The following POU2F3 variants were observed in gnomAD, a reference collection of about 807,000 sequenced individuals.
The protein encoded by POU2F3 is POU domain, class 2, transcription factor 3.
POU2F3 carries 23 observed loss-of-function variants against 59.2 expected under a neutral mutation model. The ratio of observed to expected loss-of-function variants is 0.39; its 90% CI spans 0.28 to 0.55. POU2F3 has a LOEUF of 0.55. Ranked by LOEUF, POU2F3 falls within the 20% of genes least tolerant of loss-of-function variation. The pLI is 0.66. For missense variants in POU2F3, 473 were observed against 544.5 expected, an observed-to-expected ratio of 0.87 and a Z score of 1.31; for synonymous variants, 190 against 214.6, an observed-to-expected ratio of 0.89 and a Z score of 1.00.
intron 3 of POU2F3, among the ~76,000 whole-genome samples, chr11:120,293,575 C>T (rs192955353): frequency 1.4e-3 from 220 of 152,248 alleles, no homozygotes; most frequent in African/African-American, 4.7e-3. Flanking sequence ...CGCTTTGAAA[C>T]GCTCCTTCTT....
intron 1 of POU2F3, among the ~76,000 whole-genome samples, chr11:120,246,188 G>T (rs1031772793): frequency 6.6e-6 from 1 of 152,150 alleles, no homozygotes; most frequent in Admixed American, 6.5e-5. Flanking sequence ...GGCCATGAAT[G>T]ATGCAAAAGG....
intron 2 of POU2F3, among the ~76,000 whole-genome samples, chr11:120,249,176 G>A (rs1045580018): frequency 2.0e-5 from 3 of 152,164 alleles, no homozygotes; most frequent in African/African-American, 4.8e-5. Flanking sequence ...TGAGGAAGCC[G>A]AGGCATAGAT....
At chr11:120,302,674 G>T (rs902960975) in intron 6 of POU2F3, 1 of 320,192 alleles carries the variant, frequency 3.1e-6, no homozygotes, top group Admixed American at 4.9e-5. Context: ...TGAGAGCCAG[G>T]CTCAGCTCAC....
chr11:120,279,598 T>C (rs1486090275), intron 3 of POU2F3, among the ~76,000 whole-genome samples: 1 of 152,152 alleles, frequency 6.6e-6, no homozygotes, highest in Non-Finnish European at 1.5e-5. Context: ...GGGGAAGCAG[T>C]TGGTAAACGT....
intron 2 of POU2F3, among the ~76,000 whole-genome samples, chr11:120,255,726 A>G (rs1939313959): frequency 6.6e-6 from 1 of 151,958 alleles, no homozygotes; most frequent in Admixed American, 6.5e-5. Flanking sequence ...GCTGGGTGTT[A>G]TAACTTCTGC....
chr11:120,299,428 A>G (rs547961940), intron 4 of POU2F3, among the ~76,000 whole-genome samples, 196 bp from the exon 5 acceptor site: 240 of 152,344 alleles, frequency 1.6e-3, no homozygotes, highest in African/African-American at 5.7e-3. Context: ...GGCTGAGGGC[A>G]GAAGCTGTAA....
At chr11:120,284,472 G>A (rs116678349) in intron 3 of POU2F3, among the ~76,000 whole-genome samples, 2,579 of 152,224 alleles carry the variant, frequency 0.017, 78 homozygotes, top group African/African-American at 0.058. Flanking sequence ...GGCTGGGCCC[G>A]GGAGCTATTT....
upstream of POU2F3, among the ~76,000 whole-genome samples, chr11:120,238,158 T>A (rs1938546324): frequency 6.6e-6 from 1 of 152,126 alleles, no homozygotes; most frequent in African/African-American, 2.4e-5. Flanking sequence ...GAGAATCGCT[T>A]GAACCTGGGA....
At chr11:120,307,703 C>G in intron 9 of POU2F3, 88 bp downstream of exon 9, 1 of 1,520,596 alleles carries the variant, frequency 6.6e-7, no homozygotes, top group Non-Finnish European at 9.0e-7. Flanking sequence ...GCACCAGCCC[C>G]TCCGCACCTC....
At chr11:120,260,915 T>A (rs1591385855) in intron 2 of POU2F3, among the ~76,000 whole-genome samples, 1 of 151,798 alleles carries the variant, frequency 6.6e-6, no homozygotes, top group South Asian at 2.1e-4. Context: ...AATTTTTTTT[T>A]AAATTAGTCA....
chr11:120,312,287 C>T (rs1396692156), intron 10 of POU2F3, among the ~76,000 whole-genome samples: 4 of 152,056 alleles, frequency 2.6e-5, no homozygotes, highest in Admixed American at 2.0e-4. Flanking sequence ...TCACACCTGG[C>T]TAATTTTGTA....
At chr11:120,302,063 G>T (rs1941363456) in intron 5 of POU2F3, 5 of 526,938 alleles carry the variant, frequency 9.5e-6, no homozygotes, top group Non-Finnish European at 1.0e-5. Context: ...GGGGACTGCT[G>T]TTTACATGTC....
intron 3 of POU2F3, among the ~76,000 whole-genome samples, chr11:120,283,677 C>G (rs967013285): frequency 6.6e-6 from 1 of 152,124 alleles, no homozygotes; most frequent in African/African-American, 2.4e-5. Flanking sequence ...CCATCTCATT[C>G]TCAGGTTCCT....
At chr11:120,281,647 C>T (rs1940575104) in intron 3 of POU2F3, among the ~76,000 whole-genome samples, 2 of 152,120 alleles carry the variant, frequency 1.3e-5, no homozygotes, top group South Asian at 2.1e-4. Flanking sequence ...GCAGCCCCTC[C>T]CCTGCGCTGG....
At chr11:120,267,743 CA>C (rs5795221) in intron 2 of POU2F3, among the ~76,000 whole-genome samples, 231 of 147,522 alleles carry the variant, frequency 1.6e-3, no homozygotes, top group African/African-American at 5.0e-3. Context: ...CCACTGAGGA[CA>C]AAAAAAAAAT....
At chr11:120,277,068 A>AAAAATAC (rs1275838851) in intron 3 of POU2F3, among the ~76,000 whole-genome samples, 1 of 152,122 alleles carries the variant, frequency 6.6e-6, no homozygotes, top group African/African-American at 2.4e-5. Flanking sequence ...TAAAAATACT[A>AAAAATAC]AAAATACAAA....
intron 2 of POU2F3, among the ~76,000 whole-genome samples, chr11:120,268,977 C>T (rs1004526785): frequency 7.2e-5 from 11 of 152,194 alleles, no homozygotes; most frequent in African/African-American, 2.2e-4. Context: ...TGACCTCAGA[C>T]GATTCAGCCT....
intron 3 of POU2F3, among the ~76,000 whole-genome samples, chr11:120,272,516 C>A (rs777813179): frequency 2.1e-4 from 32 of 152,208 alleles, no homozygotes; most frequent in Non-Finnish European, 7.3e-5. Flanking sequence ...CTGACACAGA[C>A]AAGGGGTTGG....
At chr11:120,260,219 C>T (rs1383192388) in intron 2 of POU2F3, among the ~76,000 whole-genome samples, 1 of 152,240 alleles carries the variant, frequency 6.6e-6, no homozygotes, top group Non-Finnish European at 1.5e-5. Context: ...GAGAATTGCT[C>T]CCCAGGCAAA....
Sources: gnomAD v4.1 joint callset for allele counts (sites outside exome capture counted in the v4.1 genomes callset) on GRCh38, gnomAD v4.1.1 for gene constraint, MANE v1.5 for transcripts, NCBI Gene and HGNC (gene_info 2026-07-23, HGNC 2026-07-21) for gene names.